DLD: variants seen among roughly 807,000 people sequenced by gnomAD.
DLD encodes the protein dihydrolipoamide dehydrogenase.
A neutral mutation model predicts 62.2 loss-of-function variants in DLD; 36 were observed. The observed-to-expected ratio is 0.58, with a 90% CI of 0.44 to 0.76. DLD has a LOEUF of 0.76. DLD is among the 30% of genes least tolerant of loss of function. DLD has a pLI of 0.00. For missense variants in DLD, 541 were observed against 608.6 expected (o/e 0.89, Z 1.17); for synonymous variants, 204 against 199.6 (o/e 1.02, Z -0.19).
intron 1 of DLD, among the ~76,000 whole-genome samples, chr7:107,892,416 T>A (rs1477575408): frequency 1.3e-5 from 2 of 152,330 alleles, no homozygotes; most frequent in East Asian, 3.9e-4. Flanking sequence ...CATAGATTGT[T>A]CTAAGTAAAT....
At chr7:107,900,036 G>A (rs1256754782) in intron 2 of DLD, among the ~76,000 whole-genome samples, 1 of 152,022 alleles carries the variant, frequency 6.6e-6, no homozygotes, top group Non-Finnish European at 1.5e-5. Flanking sequence ...AGTGAACCAA[G>A]CAGGGTGGCT....
chr7:107,894,600 A>C (rs928140677), intron 2 of DLD, among the ~76,000 whole-genome samples: 11 of 152,234 alleles, frequency 7.2e-5, no homozygotes, highest in African/African-American at 2.7e-4. Flanking sequence ...TAACAGGAGA[A>C]ATGTTAGATT....
intron 5 of DLD, among the ~76,000 whole-genome samples, chr7:107,904,132 T>C (rs1201862099): frequency 6.6e-6 from 1 of 152,204 alleles, no homozygotes; most frequent in Non-Finnish European, 1.5e-5. Context: ...GGTTGTTACT[T>C]TTCCTTCATT....
chr7:107,897,476 T>C (rs1213066010), intron 2 of DLD, among the ~76,000 whole-genome samples: 1 of 151,928 alleles, frequency 6.6e-6, no homozygotes, highest in Admixed American at 6.6e-5. Context: ...AACTATGTCA[T>C]AGAAATGTAA....
rs558273427 is a variant in DLD, at chr7:107,915,451, A to C, written c.685-55A>C. On this transcript the variant is annotated intron_variant, in intron 8 of 13. Transcript: ENST00000205402. The stretch of plus-strand genomic sequence containing the variant: ...CAATAAATTATTAAGATGATTTCGT[A>C]AACATTTGCTATAGAAACTTTTATG... The C allele has an allele frequency of 2.1e-4, 329 of 1,562,042 alleles. 4 individuals carry two copies. The South Asian group carries it at 3.3e-3, about 15-fold the overall frequency.
chr7:107,905,447 T>C lies in DLD; in HGVS notation c.525T>C (p.Asp175=), dbSNP rs2031981789. The C allele has an allele frequency of 6.2e-7, 1 of 1,613,846 alleles. No homozygotes were observed. Among genetic ancestry groups the C allele is most frequent in the East Asian group, 2.2e-5 (1 of 44,856 alleles). The change falls in exon 7 of 14, where the codon GAT becomes GAC. Residue 175 remains aspartate, a synonymous_variant. Coordinates refer to ENST00000205402, the MANE Select transcript of DLD (RefSeq NM_000108.5). ...CTGATGGCGGCACTCAGGTTATTGA[T>C]ACAAAGAACATTCTTATAGCCACGG... ...TKADGGTQVI[D]TKNILIATGS...
At chr7:107,911,789 G>C (rs778267457) in intron 8 of DLD, among the ~76,000 whole-genome samples, 29 of 151,602 alleles carry the variant, frequency 1.9e-4, no homozygotes, top group Non-Finnish European at 3.8e-4. Flanking sequence ...ATTAAATCAG[G>C]GTAATTAGGC....
chr7:107,915,398 C>A, intron 8 of DLD, 108 bp from the exon 9 acceptor site: 1 of 1,182,432 alleles, frequency 8.5e-7, no homozygotes, highest in Non-Finnish European at 1.2e-6. Flanking sequence ...CTCATAGGAA[C>A]ATACTAGCGA....
chr7:107,905,632 C>T lies in DLD; in HGVS notation c.582+128C>T, dbSNP rs1584465030. On this transcript the variant is annotated intron_variant, in intron 7 of 13. Transcript: ENST00000205402. ...ATACTATATTTTGATGGTCATTCAGCTTTGGGAAGTTACCTGTCTTTATTC... is the reference window on the plus strand; with the variant it reads ...ATACTATATTTTGATGGTCATTCAGTTTTGGGAAGTTACCTGTCTTTATTC... 52 of 1,040,434 alleles carry T rather than the reference C, an allele frequency of 5.0e-5. No individual in the cohort carries two copies. The East Asian group carries it at 1.3e-3, about 25-fold the overall frequency. The allele number at this position is 1,040,434 out of a possible 1,614,324, so 64.5% of individuals were successfully genotyped here. A position where few individuals can be genotyped will look rare whatever the true frequency, so the allele number is the denominator to read the frequency against.
Position 107,920,969 on chromosome 7 carries a change from T to C in DLD, c.*1710T>C, listed in dbSNP as rs1253162331. 6.6e-6 allele frequency: 1 copy of C among 152,350 alleles called. No individual in the cohort carries two copies. Among genetic ancestry groups the C allele is most frequent in the Non-Finnish European group, 1.5e-5 (1 of 68,040 alleles). 9.4% of individuals were successfully genotyped at this position (152,350 alleles called of 1,614,324 possible). A position where few individuals can be genotyped will look rare whatever the true frequency, so the allele number is the denominator to read the frequency against. On this transcript the variant is annotated 3_prime_UTR_variant, in exon 14 of 14. Coordinates refer to ENST00000205402, the MANE Select transcript of DLD (RefSeq NM_000108.5). ...ATTGGAAGTGAACTCTGCATCTTTT[T>C]AAAAATTTGAAATCCCGGTATCATG... is the stretch of plus-strand genomic sequence containing the variant.
chr7:107,907,114 A>G (rs535528838), intron 8 of DLD, among the ~76,000 whole-genome samples: 52 of 152,244 alleles, frequency 3.4e-4, no homozygotes, highest in Non-Finnish European at 4.7e-4. Flanking sequence ...CTTAGATGCC[A>G]TAGTCCATCA....
intron 2 of DLD, among the ~76,000 whole-genome samples, chr7:107,894,591 A>T (rs1191405429): frequency 1.3e-5 from 2 of 152,240 alleles, no homozygotes; most frequent in African/African-American, 2.4e-5. Flanking sequence ...CAACTCATAT[A>T]ACAGGAGAAA....
At chr7:107,911,116 A>G (rs1434399627) in intron 8 of DLD, among the ~76,000 whole-genome samples, 1 of 152,184 alleles carries the variant, frequency 6.6e-6, no homozygotes, top group Non-Finnish European at 1.5e-5. Context: ...TCATCACCCT[A>G]AAAGAAACTT....
At chr7:107,892,569 G>A (rs2031613254) in intron 1 of DLD, among the ~76,000 whole-genome samples, 1 of 125,448 alleles carries the variant, frequency 8.0e-6, no homozygotes, top group African/African-American at 3.7e-5. Flanking sequence ...ATTTTGAGAC[G>A]GAGTCTCACT....
chr7:107,892,334 C>T (rs918916159), intron 1 of DLD, among the ~76,000 whole-genome samples: 1 of 152,192 alleles, frequency 6.6e-6, no homozygotes, highest in African/African-American at 2.4e-5. Flanking sequence ...AACGTAAGTA[C>T]ATTACTTGGT....
Position 107,920,035 on chromosome 7 carries a change from C to CT in DLD, c.*777dup, listed in dbSNP as rs1695249004. Reference sequence around the variant, plus strand: ...TTTATGACTACTTCTAGTGTATATTCTAATTTCTTTTCTAGGCCTGAATGT... The same window carrying CT: ...TTTATGACTACTTCTAGTGTATATTCTTAATTTCTTTTCTAGGCCTGAATGT... On this transcript the variant is annotated 3_prime_UTR_variant, in exon 14 of 14. Transcript: ENST00000205402. 6.6e-6 allele frequency: 1 copy of CT among 152,162 alleles called. No individual in the cohort carries two copies. Among genetic ancestry groups the CT allele is most frequent in the South Asian group, 2.1e-4 (1 of 4,822 alleles). The allele number at this position is 152,162 out of a possible 1,614,324, so 9.4% of individuals were successfully genotyped here.
chr7:107,907,784 T>A (rs1195855592), intron 8 of DLD, among the ~76,000 whole-genome samples: 2 of 152,240 alleles, frequency 1.3e-5, no homozygotes, highest in African/African-American at 4.8e-5. Context: ...ACATAAATGC[T>A]CCTTATCTTG....
chr7:107,896,880 A>G (rs368473502), intron 2 of DLD, among the ~76,000 whole-genome samples: 1 of 150,612 alleles, frequency 6.6e-6, no homozygotes, highest in African/African-American at 2.5e-5. Flanking sequence ...CTTGTCCCCT[A>G]GGCTGGAGTG....
At chr7:107,912,424 G>T (rs1029703210) in intron 8 of DLD, among the ~76,000 whole-genome samples, 1 of 152,072 alleles carries the variant, frequency 6.6e-6, no homozygotes, top group Non-Finnish European at 1.5e-5. Context: ...CACAGTGGCT[G>T]TACTAACTTA....
Sources: gnomAD v4.1 joint callset for allele counts (sites outside exome capture counted in the v4.1 genomes callset) on GRCh38, gnomAD v4.1.1 for gene constraint, MANE v1.5 for transcripts, NCBI Gene and HGNC (gene_info 2026-07-23, HGNC 2026-07-21) for gene names.